PHF2: variants seen among roughly 807,000 people sequenced by gnomAD.
PHF2 encodes the protein lysine-specific demethylase PHF2.
In PHF2, 27 loss-of-function variants were observed where a neutral mutation model predicts 120.5. That is an observed-to-expected ratio of 0.22 (90% CI 0.17 to 0.31). The LOEUF is 0.31. Ranked by LOEUF, PHF2 falls within the 10% of genes least tolerant of loss-of-function variation. The pLI, the probability that PHF2 is intolerant of heterozygous loss-of-function variation, is 1.00. For synonymous variants in PHF2, 568 were observed against 592.5 expected, an observed-to-expected ratio of 0.96 and a Z score of 0.60; for missense variants, 1,024 against 1,434.8, an observed-to-expected ratio of 0.71 and a Z score of 4.63.
chr9:93,678,002 C>T lies in PHF2; in HGVS notation c.*326C>T, dbSNP rs1257622974. 9 of 287,746 alleles carry T rather than the reference C, an allele frequency of 3.1e-5. No individual in the cohort carries two copies. In the Admixed American group the frequency reaches 3.9e-4, roughly 12 times the overall value. The allele number at this position is 287,746 out of a possible 1,614,324, so 17.8% of individuals were successfully genotyped here. On this transcript the variant is annotated 3_prime_UTR_variant, in exon 22 of 22. Transcript: ENST00000359246. ...GGGTGTGATTGCAGGGCCTCTGCAG[C>T]TCTGCTGAGAGCATGAGTCCTTCAA...
At chr9:93,578,352 A>G (rs1862872428) in intron 1 of PHF2, among the ~76,000 whole-genome samples, 1 of 152,246 alleles carries the variant, frequency 6.6e-6, no homozygotes, top group Admixed American at 6.5e-5. Flanking sequence ...CAGGGCTGAC[A>G]TGCACACCCT....
intron 4 of PHF2, among the ~76,000 whole-genome samples, chr9:93,646,534 C>T (rs1312484476): frequency 6.6e-6 from 1 of 152,230 alleles, no homozygotes; most frequent in Non-Finnish European, 1.5e-5. Flanking sequence ...GGTGGGCAGG[C>T]AGGCACACTG....
intron 5 of PHF2, among the ~76,000 whole-genome samples, chr9:93,651,227 A>G (rs1367403152): frequency 6.6e-6 from 1 of 152,174 alleles, no homozygotes; most frequent in Non-Finnish European, 1.5e-5. Context: ...ACCAAACAAC[A>G]TAACTGAGTC....
intron 1 of PHF2, among the ~76,000 whole-genome samples, chr9:93,618,826 GA>G (rs1825771459): frequency 2.1e-4 from 1 of 4,744 alleles, no homozygotes; most frequent in Admixed American, 2.1e-3. Context: ...CTGCATGTGT[GA>G]TGTGTGTGGT....
At chr9:93,659,383 C>T in intron 10 of PHF2, 128 bp from the exon 11 acceptor site, 3 of 706,184 alleles carry the variant, frequency 4.2e-6, no homozygotes, top group Non-Finnish European at 2.5e-6. Flanking sequence ...CAGAGTTTGG[C>T]TCGGAAGCCC....
chr9:93,637,955 G>C (rs1001469615), intron 3 of PHF2, among the ~76,000 whole-genome samples: 3 of 152,132 alleles, frequency 2.0e-5, no homozygotes, highest in African/African-American at 7.2e-5. Flanking sequence ...GTTATTATCT[G>C]ACTTAACTTG....
At chr9:93,590,464 G>A (rs1825193841) in intron 1 of PHF2, among the ~76,000 whole-genome samples, 1 of 152,198 alleles carries the variant, frequency 6.6e-6, no homozygotes, top group African/African-American at 2.4e-5. Context: ...TCCAGGGCAG[G>A]TGCTTCCTGG....
intron 1 of PHF2, among the ~76,000 whole-genome samples, chr9:93,625,476 T>G (rs1169610347): frequency 1.4e-5 from 2 of 143,446 alleles, no homozygotes; most frequent in Non-Finnish European, 3.0e-5. Flanking sequence ...ACCTTTTTTT[T>G]TTTTTTTTTT....
chr9:93,635,148 A>G (rs918667714), intron 2 of PHF2, among the ~76,000 whole-genome samples: 2 of 152,090 alleles, frequency 1.3e-5, no homozygotes, highest in Non-Finnish European at 2.9e-5. Context: ...AGTTTCCATA[A>G]TGTCCACTTG....
chr9:93,600,827 C>G (rs1470099466), intron 1 of PHF2, among the ~76,000 whole-genome samples: 1 of 152,212 alleles, frequency 6.6e-6, no homozygotes, highest in Non-Finnish European at 1.5e-5. Context: ...TCTAACCAGG[C>G]CTGATCCTGC....
intron 2 of PHF2, among the ~76,000 whole-genome samples, chr9:93,633,655 C>G (rs965430328): frequency 6.6e-6 from 1 of 152,334 alleles, no homozygotes; most frequent in East Asian, 1.9e-4. Flanking sequence ...CACGGCCCCA[C>G]GTCTCTGGCC....
At position 93,656,929 on chromosome 9, in the gene PHF2, C is replaced by A. The variant is rs1826472229; in HGVS notation, c.1147+334C>A. Among the ~76,000 whole-genome samples, 1 of 152,172 alleles carries A rather than the reference C, an allele frequency of 6.6e-6. No homozygotes were observed. The highest frequency in any genetic ancestry group is 6.5e-5 in the Admixed American group (1 of 15,282). On this transcript the variant is annotated intron_variant, in intron 9 of 21. Coordinates refer to ENST00000359246, the MANE Select transcript of PHF2 (RefSeq NM_005392.4). The surrounding 1 kb of genome is among the most constrained non-coding windows in gnomAD (Gnocchi z 4.1). ...ACTTGCCTCCATTGGGAGGGTGGAG[C>A]CCTGGCTCTGTCACCAGCTGAGGAG...
chr9:93,615,489 A>G (rs1825717087), intron 1 of PHF2, among the ~76,000 whole-genome samples: 1 of 152,234 alleles, frequency 6.6e-6, no homozygotes, highest in African/African-American at 2.4e-5. Context: ...GGCATGGTAC[A>G]TACAATCCCT....
intron 1 of PHF2, among the ~76,000 whole-genome samples, chr9:93,591,176 C>T (rs886397247): frequency 3.9e-5 from 6 of 152,228 alleles, no homozygotes; most frequent in African/African-American, 1.4e-4. Context: ...GCACCCCTCT[C>T]CCCACTGACA....
At position 93,602,247 on chromosome 9, in the gene PHF2, C is replaced by CTTTTTTTT. The variant is rs67001312; in HGVS notation, c.98+25392_98+25399dup. ...AAGTCATTTTGCATTCCTAGAGATT[C>CTTTTTTTT]TTTTTTTTTTTTTTTTTTTTTTTGA... On this transcript the variant is annotated intron_variant, in intron 1 of 21. Transcript: ENST00000359246. Among the ~76,000 whole-genome samples, 63 of 79,676 alleles carry CTTTTTTTT rather than the reference C, an allele frequency of 7.9e-4. 4 individuals carry two copies. The highest frequency in any genetic ancestry group is 1.2e-3 in the East Asian group (3 of 2,520). 52.3% of individuals were successfully genotyped at this position (79,676 alleles called of 152,430 possible).
At chr9:93,638,537 C>A (rs1246759834) in intron 3 of PHF2, among the ~76,000 whole-genome samples, 3 of 152,104 alleles carry the variant, frequency 2.0e-5, no homozygotes, top group East Asian at 1.9e-4. Context: ...AAAAACTATT[C>A]TTTTGCTAGT....
intron 1 of PHF2, among the ~76,000 whole-genome samples, chr9:93,629,747 G>A (rs10992811): frequency 6.6e-6 from 1 of 152,116 alleles, no homozygotes; most frequent in East Asian, 1.9e-4. Flanking sequence ...ATATCCAGAC[G>A]CTGTATCTAG....
intron 1 of PHF2, among the ~76,000 whole-genome samples, chr9:93,611,130 C>A (rs1007759186): frequency 6.6e-6 from 1 of 152,102 alleles, no homozygotes; most frequent in African/African-American, 2.4e-5. Flanking sequence ...GAAGAGTATT[C>A]TTGGCTGGGT....
chr9:93,608,388 T>G (rs138301564), intron 1 of PHF2, among the ~76,000 whole-genome samples: 1 of 146,516 alleles, frequency 6.8e-6, no homozygotes, highest in East Asian at 2.0e-4. Context: ...ATGAGAAATA[T>G]TGATTGGTAG....
Sources: gnomAD v4.1 joint callset for allele counts (sites outside exome capture counted in the v4.1 genomes callset) on GRCh38, gnomAD v4.1.1 for gene constraint, Gnocchi (gnomAD v3.1) non-coding constraint, MANE v1.5 for transcripts, NCBI Gene and HGNC (gene_info 2026-07-23, HGNC 2026-07-21) for gene names.